The following EPHB6 variants were observed in gnomAD, a reference collection of about 807,000 sequenced individuals.
The protein encoded by EPHB6 is EPH receptor B6.
In EPHB6, 51 loss-of-function variants were observed where a neutral mutation model predicts 107.0. That is an observed-to-expected ratio of 0.48 (90% CI 0.38 to 0.60). EPHB6 has a LOEUF of 0.60. EPHB6 is among the 20% of genes least tolerant of loss of function. The probability of loss-of-function intolerance (pLI) is 0.00; values close to 1 mark genes in which losing one functional copy is unlikely to be tolerated. For missense variants in EPHB6, 1,141 were observed against 1,355.5 expected (o/e 0.84, Z 2.48); for synonymous variants, 553 against 549.0 (o/e 1.01, Z -0.10).
chr7:142,866,379 C>G lies in EPHB6; in HGVS notation c.1462+63C>G. The G allele has an allele frequency of 6.2e-7, 1 of 1,611,656 alleles. No homozygotes were observed. The highest frequency in any genetic ancestry group is 8.5e-7 in the Non-Finnish European group (1 of 1,179,050). ...CCGCTCCTTTGAGCCCCCTTCCCTACTCCTGATCTCCAGCCTGGTCCACCC... is the reference window on the plus strand; with the variant it reads ...CCGCTCCTTTGAGCCCCCTTCCCTAGTCCTGATCTCCAGCCTGGTCCACCC... On this transcript the variant is annotated intron_variant, in intron 9 of 19. Coordinates refer to ENST00000652003, the MANE Select transcript of EPHB6 (RefSeq NM_004445.6). This position sits in a 1 kb window ranked among gnomAD's most constrained non-coding sequence, Gnocchi z 5.2.
In EPHB6 at chr7:142,869,869, A is replaced by C. The variant is rs1794814288; in HGVS notation, c.2513A>C (p.Lys838Thr). 6.2e-7 allele frequency: 1 copy of C among 1,614,108 alleles called. No individual in the cohort carries two copies. The highest frequency in any genetic ancestry group is 1.1e-5 in the South Asian group (1 of 91,090). Reference protein sequence around the residue: ...WAAPEVIAHGKHTTSSDVWSF... With the variant: ...WAAPEVIAHGTHTTSSDVWSF... ...GCCCCAGAGGTCATTGCACATGGAAAGCATACAACATCCAGTGATGTCTGG... is the reference window on the plus strand; with the variant it reads ...GCCCCAGAGGTCATTGCACATGGAACGCATACAACATCCAGTGATGTCTGG... The change falls in exon 17 of 20, where the codon AAG becomes ACG. Residue 838 changes from lysine (K) to threonine (T), a missense_variant. Physicochemically the swap from Lys to Thr is moderately conservative, Grantham distance 78. Around this residue, in one of 3 missense-constraint regions of EPHB6, gnomAD observed 616 missense variants for 759.3 expected, o/e 0.81. Transcript: ENST00000652003. This position sits in a 1 kb window ranked among gnomAD's most constrained non-coding sequence, Gnocchi z 4.5.
rs368324691 is a variant in EPHB6, at chr7:142,866,813, G to A, written c.1588-93G>A. On this transcript the variant is annotated intron_variant, in intron 10 of 19. Transcript: ENST00000652003. This position sits in a 1 kb window ranked among gnomAD's most constrained non-coding sequence, Gnocchi z 5.2. ...TGCAGCACTGGGCATGTGTCTGAGA[G>A]CCCTGTCAACCAGGGAGGGTGGCTG... The A allele has an allele frequency of 1.9e-6, 3 of 1,599,824 alleles. No homozygotes were observed. Among genetic ancestry groups the A allele is most frequent in the East Asian group, 4.5e-5 (2 of 44,758 alleles).
At position 142,866,727 on chromosome 7, in the gene EPHB6, G is replaced by A; in HGVS notation, c.1587+122G>A. 2.5e-6 allele frequency: 4 copies of A among 1,592,242 alleles called. No individual in the cohort carries two copies. The highest frequency in any genetic ancestry group is 3.4e-6 in the Non-Finnish European group (4 of 1,165,084). On this transcript the variant is annotated intron_variant, in intron 10 of 19. Transcript: ENST00000652003. This position sits in a 1 kb window ranked among gnomAD's most constrained non-coding sequence, Gnocchi z 5.2. Reference sequence around the variant, plus strand: ...GGGGTCCGCAACAGGGCTGGCAGGAGCTCACAGTCCCCACAGTAGGGGCCA... The same window carrying A: ...GGGGTCCGCAACAGGGCTGGCAGGAACTCACAGTCCCCACAGTAGGGGCCA...
chr7:142,866,222 C>G lies in EPHB6; in HGVS notation c.1368C>G (p.Pro456=). 6.2e-7 allele frequency: 1 copy of G among 1,614,136 alleles called. No individual in the cohort carries two copies. The highest frequency in any genetic ancestry group is 1.1e-5 in the South Asian group (1 of 91,086). The stretch of plus-strand genomic sequence containing the variant: ...TGGGGGGACTCCGGGCACACGTACC[C>G]TACATCTTAGAGGTGCAGGCTGTTA... The part of the protein sequence containing the change: ...VLVGGLRAHV[P]YILEVQAVNG... Residue 456 remains proline (P), a synonymous_variant, in exon 9 of 20, where the codon CCC becomes CCG. Coordinates refer to ENST00000652003, the MANE Select transcript of EPHB6 (RefSeq NM_004445.6). This position sits in a 1 kb window ranked among gnomAD's most constrained non-coding sequence, Gnocchi z 5.2.
chr7:142,858,623 T>G (rs1370633000), intron 1 of EPHB6, among the ~76,000 whole-genome samples: 1 of 123,640 alleles, frequency 8.1e-6, no homozygotes, highest in Non-Finnish European at 1.8e-5. Flanking sequence ...TTTTTTTGTA[T>G]TTTTAGTAGA....
chr7:142,865,648 C>A lies in EPHB6; in HGVS notation c.1105+18C>A. ...CTGCACTGGTGAGTTCCTCACCCAGCCCTGCAATGGGAAAGAGACTTGGAG... is the reference window on the plus strand; with the variant it reads ...CTGCACTGGTGAGTTCCTCACCCAGACCTGCAATGGGAAAGAGACTTGGAG... On this transcript the variant is annotated intron_variant, in intron 8 of 19. Transcript: ENST00000652003. 1 of 1,612,022 alleles carries A rather than the reference C, an allele frequency of 6.2e-7. No homozygotes were observed. Among genetic ancestry groups the A allele is most frequent in the Non-Finnish European group, 8.5e-7 (1 of 1,179,708 alleles).
rs2116424100 is a variant in EPHB6, at chr7:142,864,461, C to T, written c.661C>T (p.Leu221=). Residue 221 remains leucine, a synonymous_variant, in exon 7 of 20, where the codon CTG becomes TTG. Coordinates refer to ENST00000652003, the MANE Select transcript of EPHB6 (RefSeq NM_004445.6). ...GGCCTTCCAGGACACGGGGGCCTGC[C>T]TGGCCCTGGTCGCTGTCAGGCTCTT... The part of the protein sequence containing the change: ...YVAFQDTGAC[L]ALVAVRLFSY... 1 of 1,613,128 alleles carries T rather than the reference C, an allele frequency of 6.2e-7. No individual in the cohort carries two copies. Among genetic ancestry groups the T allele is most frequent in the African/African-American group, 1.3e-5 (1 of 75,054 alleles).
chr7:142,869,526 T>A lies in EPHB6; in HGVS notation c.2461-291T>A, dbSNP rs1201657774. On this transcript the variant is annotated intron_variant, in intron 16 of 19. Coordinates refer to ENST00000652003, the MANE Select transcript of EPHB6 (RefSeq NM_004445.6). This position sits in a 1 kb window ranked among gnomAD's most constrained non-coding sequence, Gnocchi z 4.5. ...TTCTCTAAGCTTCACCTTCTGCTTC[T>A]GTGAAATGGAGATAATATCATCCAC... Among the ~76,000 whole-genome samples, 1 of 152,220 alleles carries A rather than the reference T, an allele frequency of 6.6e-6. No homozygotes were observed. The highest frequency in any genetic ancestry group is 1.5e-5 in the Non-Finnish European group (1 of 68,038).
At position 142,866,146 on chromosome 7, in the gene EPHB6, A is replaced by C. The variant is rs147675164; in HGVS notation, c.1292A>C (p.Glu431Ala). Residue 431 changes from glutamate to alanine, a missense_variant, in exon 9 of 20, where the codon GAG (glutamate) becomes GCG (alanine). Transcript: ENST00000652003. The surrounding 1 kb of genome is among the most constrained non-coding windows in gnomAD (Gnocchi z 5.2). Reference protein sequence around the residue: ...GGGTCHRCRDEVHFDPRQRGL... With the variant: ...GGGTCHRCRDAVHFDPRQRGL... ...GGCACTTGTCACCGCTGCAGGGATGAGGTCCACTTCGACCCTCGCCAGAGA... is the reference window on the plus strand; with the variant it reads ...GGCACTTGTCACCGCTGCAGGGATGCGGTCCACTTCGACCCTCGCCAGAGA... 4 of 1,613,886 alleles carry C rather than the reference A, an allele frequency of 2.5e-6. No individual in the cohort carries two copies. Among genetic ancestry groups the C allele is most frequent in the Non-Finnish European group, 3.4e-6 (4 of 1,180,004 alleles).
At chr7:142,856,922 C>T (rs1802637329) in intron 1 of EPHB6, among the ~76,000 whole-genome samples, 1 of 152,236 alleles carries the variant, frequency 6.6e-6, no homozygotes, top group Non-Finnish European at 1.5e-5. Context: ...TTACACACTC[C>T]ACCAGGTAGA....
chr7:142,864,209 G>C lies in EPHB6; in HGVS notation c.409G>C (p.Glu137Gln). 3 of 1,613,854 alleles carry C rather than the reference G, an allele frequency of 1.9e-6. No homozygotes were observed. Among genetic ancestry groups the C allele is most frequent in the Non-Finnish European group, 2.5e-6 (3 of 1,180,038 alleles). ...TFTLYYRQAE[E>Q]PDSPDSVSSW... The stretch of plus-strand genomic sequence containing the variant: ...CACCCTTTACTACCGTCAGGCTGAG[G>C]AGCCCGACAGCCCTGACAGCGTTTC... The change falls in exon 7 of 20, where the codon GAG becomes CAG. Residue 137 changes from glutamate (E) to glutamine (Q), a missense_variant. Glu to Gln is a conservative substitution (Grantham distance 29). Transcript: ENST00000652003.
intron 8 of EPHB6, 23 bp downstream of exon 8, chr7:142,865,653 CA>C: frequency 1.2e-6 from 2 of 1,611,546 alleles, no homozygotes; most frequent in Non-Finnish European, 8.5e-7. Context: ...CCCAGCCCTG[CA>C]ATGGGAAAGA....
Position 142,871,015 on chromosome 7 carries a change from C to A in EPHB6, c.*111C>A. ...AGAGATGCCCCACACCAAACCCAAC[C>A]CTCCCGATGGCTGCATTCCCTGGTC... On this transcript the variant is annotated 3_prime_UTR_variant, in exon 20 of 20. Coordinates refer to ENST00000652003, the MANE Select transcript of EPHB6 (RefSeq NM_004445.6). The A allele has an allele frequency of 2.0e-6, 2 of 996,384 alleles. No individual in the cohort carries two copies. Among genetic ancestry groups the A allele is most frequent in the Non-Finnish European group, 3.0e-6 (2 of 666,416 alleles). 61.7% of individuals were successfully genotyped at this position (996,384 alleles called of 1,614,324 possible). A position where few individuals can be genotyped will look rare whatever the true frequency, so the allele number is the denominator to read the frequency against.
Position 142,866,692 on chromosome 7 carries a change from G to C in EPHB6, c.1587+87G>C. On this transcript the variant is annotated intron_variant, in intron 10 of 19. Transcript: ENST00000652003. The surrounding 1 kb of genome is among the most constrained non-coding windows in gnomAD (Gnocchi z 5.2). ...GGGCCCAGAGGTGACCAGGTGCACA[G>C]GAGGAATGAGGGGTCCGCAACAGGG... The C allele has an allele frequency of 1.2e-6, 2 of 1,607,976 alleles. No homozygotes were observed. The highest frequency in any genetic ancestry group is 4.5e-5 in the East Asian group (2 of 44,836).
intron 3 of EPHB6, among the ~76,000 whole-genome samples, chr7:142,862,473 T>C (rs779568636): frequency 6.6e-6 from 1 of 152,212 alleles, no homozygotes; most frequent in Non-Finnish European, 1.5e-5. Flanking sequence ...ATGCCAGACC[T>C]CCATAGCTCT....
chr7:142,863,836 T>G, intron 6 of EPHB6, 130 bp from the exon 7 acceptor site: 3 of 1,489,352 alleles, frequency 2.0e-6, no homozygotes, highest in Non-Finnish European at 1.9e-6. Flanking sequence ...GATTTCAAGG[T>G]ATCCTCTATC....
rs920739852 is a variant in EPHB6, at chr7:142,867,233, G to A, written c.1750+165G>A. The A allele has an allele frequency of 7.4e-6, 6 of 810,078 alleles. No homozygotes were observed. In the East Asian group the frequency reaches 1.1e-4, roughly 14 times the overall value. The allele number at this position is 810,078 out of a possible 1,614,324, so 50.2% of individuals were successfully genotyped here. On this transcript the variant is annotated intron_variant, in intron 11 of 19. Transcript: ENST00000652003. The surrounding 1 kb of genome is among the most constrained non-coding windows in gnomAD (Gnocchi z 5.3). The stretch of plus-strand genomic sequence containing the variant: ...TCAGCAGCTGACCTAGGGGCTACTC[G>A]GGGAGGTGGGGAATTGTAGGGGTAT...
At position 142,866,699 on chromosome 7, in the gene EPHB6, T is replaced by C. The variant is rs1453297537; in HGVS notation, c.1587+94T>C. 1 of 1,606,366 alleles carries C rather than the reference T, an allele frequency of 6.2e-7. No homozygotes were observed. Among genetic ancestry groups the C allele is most frequent in the East Asian group, 2.2e-5 (1 of 44,806 alleles). On this transcript the variant is annotated intron_variant, in intron 10 of 19. Transcript: ENST00000652003. The surrounding 1 kb of genome is among the most constrained non-coding windows in gnomAD (Gnocchi z 5.2). ...GAGGTGACCAGGTGCACAGGAGGAA[T>C]GAGGGGTCCGCAACAGGGCTGGCAG... is the stretch of plus-strand genomic sequence containing the variant.
At chr7:142,859,315 C>A (rs1374220600) in intron 1 of EPHB6, among the ~76,000 whole-genome samples, 1 of 152,180 alleles carries the variant, frequency 6.6e-6, no homozygotes, top group Non-Finnish European at 1.5e-5. Flanking sequence ...TGCCCACAAC[C>A]ATTGAAGACA....
Sources: gnomAD v4.1 joint callset for allele counts (sites outside exome capture counted in the v4.1 genomes callset) on GRCh38, gnomAD v4.1.1 for gene constraint, gnomAD v4.1.1 regional missense constraint, Gnocchi (gnomAD v3.1) non-coding constraint, MANE v1.5 for transcripts, NCBI Gene and HGNC (gene_info 2026-07-23, HGNC 2026-07-21) for gene names.